Variants in MOGAT3 observed in about 807,000 individuals in gnomAD.
MOGAT3 encodes 2-acylglycerol O-acyltransferase 3.
A neutral mutation model predicts 34.4 loss-of-function variants in MOGAT3; 39 were observed. The observed-to-expected ratio is 1.13, with a 90% CI of 0.88 to 1.48. MOGAT3 has a LOEUF of 1.48. Among genes scored for constraint, MOGAT3 ranks in the 40% most tolerant of loss-of-function variants. The pLI is 0.00. For synonymous variants in MOGAT3, 209 were observed against 179.2 expected, an observed-to-expected ratio of 1.17 and a Z score of -1.33; for missense variants, 439 against 438.9, an observed-to-expected ratio of 1.00 and a Z score of 0.00.
At chr7:101,198,536 G>A (rs55818344) in intron 4 of MOGAT3, 90 bp downstream of exon 4, 29 of 1,378,716 alleles carry the variant, frequency 2.1e-5, no homozygotes, top group Non-Finnish European at 2.6e-5. Flanking sequence ...CCTGGGTGGG[G>A]GACTTATTAT....
At position 101,195,921 on chromosome 7, in the gene MOGAT3, G is replaced by A. The variant is rs116815911; in HGVS notation, c.*25C>T. 2.1e-3 allele frequency: 3,368 copies of A among 1,613,378 alleles called. 51 individuals carry two copies. In the African/African-American group the frequency reaches 0.037, roughly 18 times the overall value. On this transcript the variant is annotated 3_prime_UTR_variant, in exon 7 of 7. Transcript: ENST00000223114. ...AGGTCTCAGTGCCTTGGGCTCAGGG[G>A]CTCAGCGAAAGGCCGCGGCCAGGCC...
chr7:101,198,534 G>T, intron 4 of MOGAT3, 92 bp downstream of exon 4: 1 of 1,376,758 alleles, frequency 7.3e-7, no homozygotes. Flanking sequence ...GTCCTGGGTG[G>T]GGGACTTATT....
rs555669702 is a variant in MOGAT3, at chr7:101,195,973, G to A, written c.999C>T (p.Pro333=). ...AGATGAAGGTGAGGCAGGTGGAAGC[G>A]GGGACCCCACAGCTTTCCTTGTGCT... is the stretch of plus-strand genomic sequence containing the variant. The part of the protein sequence containing the change: ...FEEHKESCGV[P]ASTCLTFI The change falls in exon 7 of 7, where the codon CCC becomes CCT. Residue 333 remains proline (P), a synonymous_variant. Transcript: ENST00000223114. The A allele has an allele frequency of 1.8e-5, 29 of 1,614,138 alleles. No homozygotes were observed. The highest frequency in any genetic ancestry group is 6.7e-5 in the African/African-American group (5 of 75,036).
Position 101,196,104 on chromosome 7 carries a change from C to T in MOGAT3, c.872-4G>A, listed in dbSNP as rs569063303. 1 of 1,604,634 alleles carries T rather than the reference C, an allele frequency of 6.2e-7. No individual in the cohort carries two copies. Among genetic ancestry groups the T allele is most frequent in the Non-Finnish European group, 8.5e-7 (1 of 1,175,246 alleles). The stretch of plus-strand genomic sequence containing the variant: ...GGGACGGGGATGGGGCGGCCCACTG[C>T]AGGGAGAGGGAGACAGGTGGGCGAG... On this transcript the variant is annotated splice_region_variant and splice_polypyrimidine_tract_variant and intron_variant, in intron 6 of 6. Coordinates refer to ENST00000223114, the MANE Select transcript of MOGAT3 (RefSeq NM_178176.4).
intron 3 of MOGAT3, among the ~76,000 whole-genome samples, chr7:101,199,033 T>G (rs1401161604): frequency 6.8e-6 from 1 of 146,984 alleles, no homozygotes; most frequent in Non-Finnish European, 1.5e-5. Flanking sequence ...GATGGAGTCT[T>G]GCTCTGTAGC....
At chr7:101,198,451 T>C in intron 4 of MOGAT3, 86 bp from the exon 5 acceptor site, 1 of 1,411,784 alleles carries the variant, frequency 7.1e-7, no homozygotes, top group Admixed American at 2.5e-5. Flanking sequence ...CCAAGCCCCC[T>C]ACCCCCATCT....
At position 101,195,855 on chromosome 7, in the gene MOGAT3, G is replaced by T; in HGVS notation, c.*91C>A. The T allele has an allele frequency of 7.0e-7, 1 of 1,436,986 alleles. No homozygotes were observed. The highest frequency in any genetic ancestry group is 9.7e-7 in the Non-Finnish European group (1 of 1,033,390). 89.0% of individuals were successfully genotyped at this position (1,436,986 alleles called of 1,614,324 possible). A position where few individuals can be genotyped will look rare whatever the true frequency, so the allele number is the denominator to read the frequency against. ...GGCATGAGGCACTGCGCTGGGCCCA[G>T]AACTACCTTTTATTGGAGGCATGGA... On this transcript the variant is annotated 3_prime_UTR_variant, in exon 7 of 7. Transcript: ENST00000223114.
chr7:101,198,184 C>T lies in MOGAT3; in HGVS notation c.668+7G>A, dbSNP rs748798973. On this transcript the variant is annotated splice_region_variant and intron_variant, in intron 5 of 6. Coordinates refer to ENST00000223114, the MANE Select transcript of MOGAT3 (RefSeq NM_178176.4). ...AACTGACAGGTAGGGCCTGCACGCG[C>T]ACTCACCCGTGCCTCAGCGCCAGGC... 1.9e-6 allele frequency: 3 copies of T among 1,608,320 alleles called. No homozygotes were observed. The highest frequency in any genetic ancestry group is 2.5e-6 in the Non-Finnish European group (3 of 1,176,920).
chr7:101,195,905 T>C lies in MOGAT3; in HGVS notation c.*41A>G. ...AGTCCACAGTGGGTGGAGGTCTCAG[T>C]GCCTTGGGCTCAGGGGCTCAGCGAA... On this transcript the variant is annotated 3_prime_UTR_variant, in exon 7 of 7. Transcript: ENST00000223114. The C allele has an allele frequency of 1.2e-6, 2 of 1,610,716 alleles. No homozygotes were observed. The highest frequency in any genetic ancestry group is 1.7e-6 in the Non-Finnish European group (2 of 1,177,780).
Position 101,195,600 on chromosome 7 carries a change from G to A in MOGAT3, c.*346C>T. On this transcript the variant is annotated 3_prime_UTR_variant, in exon 7 of 7. Transcript: ENST00000223114. Reference sequence around the variant, plus strand: ...TGTGTTGCCCAGGCTGGAGTACTGTGGTGTGATCTCAGCTCACTGCAACCT... The same window carrying A: ...TGTGTTGCCCAGGCTGGAGTACTGTAGTGTGATCTCAGCTCACTGCAACCT... 4.1e-6 allele frequency: 1 copy of A among 244,610 alleles called. No homozygotes were observed. Among genetic ancestry groups the A allele is most frequent in the Non-Finnish European group, 7.5e-6 (1 of 132,494 alleles). The allele number at this position is 244,610 out of a possible 1,614,324, so 15.2% of individuals were successfully genotyped here.
At chr7:101,196,738 G>C (rs1389839701) in intron 5 of MOGAT3, among the ~76,000 whole-genome samples, 1 of 152,030 alleles carries the variant, frequency 6.6e-6, no homozygotes, top group Non-Finnish European at 1.5e-5. Context: ...GTGTGGAAGT[G>C]GGTACCTGTA....
In MOGAT3 at chr7:101,196,023, T is replaced by C. The variant is rs780590914; in HGVS notation, c.949A>G (p.Thr317Ala). Residue 317 changes from threonine to alanine, a missense_variant, in exon 7 of 7, where the codon ACG (threonine) becomes GCG (alanine). Physicochemically the swap from Thr to Ala is moderately conservative, Grantham distance 58. Coordinates refer to ENST00000223114, the MANE Select transcript of MOGAT3 (RefSeq NM_178176.4). ...EVNHYHALYMTALEQLFEEHK... is the reference protein window; with the variant it reads ...EVNHYHALYMAALEQLFEEHK... ...TCCTCGAAGAGCTGCTCCAGGGCCG[T>C]CATGTAGAGGGCGTGATAGTGATTG... The C allele has an allele frequency of 1.9e-6, 3 of 1,613,992 alleles. No individual in the cohort carries two copies. Among genetic ancestry groups the C allele is most frequent in the Non-Finnish European group, 2.5e-6 (3 of 1,179,980 alleles).
intron 5 of MOGAT3, among the ~76,000 whole-genome samples, chr7:101,197,549 CG>C (rs1797824409): frequency 6.6e-6 from 1 of 152,072 alleles, no homozygotes; most frequent in African/African-American, 2.4e-5. Flanking sequence ...TTTTCTCATT[CG>C]GTCTTTGCAA....
rs753444913 is a variant in MOGAT3, at chr7:101,198,249, C to G, written c.610G>C (p.Glu204Gln). The G allele has an allele frequency of 6.2e-7, 1 of 1,613,602 alleles. No homozygotes were observed. Among genetic ancestry groups the G allele is most frequent in the East Asian group, 2.2e-5 (1 of 44,854 alleles). ...CGCTTCTGGAGCGTAAGGCAGTGCTCCCCGGGGACTGAATACAGGGCCTCG... is the reference window on the plus strand; with the variant it reads ...CGCTTCTGGAGCGTAAGGCAGTGCTGCCCGGGGACTGAATACAGGGCCTCG... ...AHEALYSVPG[E>Q]HCLTLQKRKG... Residue 204 changes from glutamate to glutamine, a missense_variant, in exon 5 of 7, where the codon GAG (glutamate) becomes CAG (glutamine). Coordinates refer to ENST00000223114, the MANE Select transcript of MOGAT3 (RefSeq NM_178176.4).
At position 101,198,191 on chromosome 7, in the gene MOGAT3, C is replaced by A; in HGVS notation, c.668G>T (p.Gly223Val). Reference sequence around the variant, plus strand: ...AGGTAGGGCCTGCACGCGCACTCACCCGTGCCTCAGCGCCAGGCGCACGAA... The same window carrying A: ...AGGTAGGGCCTGCACGCGCACTCACACGTGCCTCAGCGCCAGGCGCACGAA... ...KGFVRLALRHGASLVPVYSFG... is the reference protein window; with the variant it reads ...KGFVRLALRHVASLVPVYSFG... The change falls in exon 5 of 7, where the codon GGG becomes GTG. Residue 223 changes from glycine (G) to valine (V), a missense_variant and splice_region_variant. Coordinates refer to ENST00000223114, the MANE Select transcript of MOGAT3 (RefSeq NM_178176.4). 1 of 1,611,236 alleles carries A rather than the reference C, an allele frequency of 6.2e-7. No individual in the cohort carries two copies. The highest frequency in any genetic ancestry group is 8.5e-7 in the Non-Finnish European group (1 of 1,178,504).
chr7:101,200,606 C>G, intron 1 of MOGAT3, 91 bp from the exon 2 acceptor site: 1 of 1,290,794 alleles, frequency 7.7e-7, no homozygotes, highest in Non-Finnish European at 1.1e-6. Flanking sequence ...TTCAGAACAA[C>G]CAGCTCTCTC....
rs111587507 is a variant in MOGAT3 at position 101,200,977 on chromosome 7, G to A, written c.-123C>T. 10 of 678,376 alleles carry A rather than the reference G, an allele frequency of 1.5e-5. No homozygotes were observed. The highest frequency in any genetic ancestry group is 9.1e-5 in the African/African-American group (5 of 55,112). The allele number at this position is 678,376 out of a possible 1,614,324, so 42.0% of individuals were successfully genotyped here. ...CCAGCTTTGGGGGCCTGGCTAAGTCGCAAATCACCTCCCAGAGTAGCGTGT... is the reference window on the plus strand; with the variant it reads ...CCAGCTTTGGGGGCCTGGCTAAGTCACAAATCACCTCCCAGAGTAGCGTGT... On this transcript the variant is annotated 5_prime_UTR_variant, in exon 1 of 7. Transcript: ENST00000223114.
In MOGAT3 at chr7:101,196,095, G is replaced by T; in HGVS notation, c.877C>A (p.Arg293Ser). ...AGGCGCTGGGGGACGGGGATGGGGC[G>T]GCCCACTGCAGGGAGAGGGAGACAG... ...FAVPITTVVG[R>S]PIPVPQRLHP... The change falls in exon 7 of 7, where the codon CGC becomes AGC. Residue 293 changes from arginine to serine, a missense_variant. By Grantham distance (110) the Arg-to-Ser change is moderately radical (BLOSUM62 -1). Transcript: ENST00000223114. The T allele has an allele frequency of 6.2e-7, 1 of 1,607,752 alleles. No homozygotes were observed. Among genetic ancestry groups the T allele is most frequent in the Non-Finnish European group, 8.5e-7 (1 of 1,176,752 alleles).
rs775746259 is a variant in MOGAT3, at chr7:101,198,353, A to G, written c.506T>C (p.Val169Ala). 2 of 1,554,210 alleles carry G rather than the reference A, an allele frequency of 1.3e-6. No homozygotes were observed. The highest frequency in any genetic ancestry group is 8.7e-7 in the Non-Finnish European group (1 of 1,147,506). ...GATGAAGTCCAGGCTCTGGCGGCTC[A>G]CCGGACAGAGTCCTGTGGGCAGGAG... is the stretch of plus-strand genomic sequence containing the variant. ...DYIMSFGLCP[V>A]SRQSLDFILS... Residue 169 changes from valine to alanine, a missense_variant, in exon 5 of 7, where the codon GTG becomes GCG. Physicochemically the swap from Val to Ala is moderately conservative, Grantham distance 64. Transcript: ENST00000223114.
Sources: gnomAD v4.1 joint callset for allele counts (sites outside exome capture counted in the v4.1 genomes callset) on GRCh38, gnomAD v4.1.1 for gene constraint, MANE v1.5 for transcripts, NCBI Gene and HGNC (gene_info 2026-07-23, HGNC 2026-07-21) for gene names.